Variants in MED12 observed in about 807,000 individuals in gnomAD.
The protein encoded by MED12 is mediator of RNA polymerase II transcription subunit 12.
Under a neutral mutation model 177.7 loss-of-function variants are expected in MED12, and 10 were observed. The ratio of observed to expected loss-of-function variants is 0.06; its 90% CI spans 0.03 to 0.10. The LOEUF (loss-of-function observed/expected upper bound fraction) is 0.10, where lower values mean the gene tolerates loss of function less well. Among genes scored for constraint, MED12 ranks in the 10% least tolerant of loss-of-function variants. The probability of loss-of-function intolerance (pLI) is 1.00; values close to 1 mark genes in which losing one functional copy is unlikely to be tolerated. For synonymous variants in MED12, 641 were observed against 678.4 expected (o/e 0.94, Z 0.86); for missense variants, 867 against 1,780.8 (o/e 0.49, Z 9.23).
chrX:71,138,080 C>T lies in MED12; in HGVS notation c.6044+137C>T, dbSNP rs2092337055. On this transcript the variant is annotated intron_variant, in intron 41 of 44. Coordinates refer to ENST00000374080, the MANE Select transcript of MED12 (RefSeq NM_005120.3). Reference sequence around the variant, plus strand: ...CAAGAATACTTATCTGGCCACATAGCCCATAACCACAGAAGTCTCGAGCTG... The same window carrying T: ...CAAGAATACTTATCTGGCCACATAGTCCATAACCACAGAAGTCTCGAGCTG... The T allele has an allele frequency of 1.0e-5, 6 of 598,982 alleles. No homozygotes were observed. In the East Asian group the frequency reaches 2.1e-4, roughly 21 times the overall value. The allele number at this position is 598,982 out of a possible 1,213,427, so 49.4% of individuals were successfully genotyped here. A position where few individuals can be genotyped will look rare whatever the true frequency, so the allele number is the denominator to read the frequency against.
Position 71,124,960 on chromosome X carries a change from C to A in MED12, c.2056-16C>A. On this transcript the variant is annotated splice_polypyrimidine_tract_variant and intron_variant, in intron 14 of 44. Coordinates refer to ENST00000374080, the MANE Select transcript of MED12 (RefSeq NM_005120.3). Reference sequence around the variant, plus strand: ...TTTCCTTCTTCTCATGTTCTGCTTTCTCACCTTTCTCTCAGTTGTTCTCCC... The same window carrying A: ...TTTCCTTCTTCTCATGTTCTGCTTTATCACCTTTCTCTCAGTTGTTCTCCC... 1 of 1,210,136 alleles carries A rather than the reference C, an allele frequency of 8.3e-7. No homozygotes were observed. The highest frequency in any genetic ancestry group is 1.7e-5 in the African/African-American group (1 of 57,608).
intron 7 of MED12, 69 bp downstream of exon 7, chrX:71,121,885 G>GA: frequency 8.4e-7 from 1 of 1,190,960 alleles, no homozygotes; most frequent in Non-Finnish European, 1.1e-6. Context: ...CCATCCCAGA[G>GA]AATAGGGGTA....
At chrX:71,128,463 G>A (rs750014406) in intron 23 of MED12, 23 bp downstream of exon 23, 14 of 1,208,414 alleles carry the variant, frequency 1.2e-5, no homozygotes, top group Non-Finnish European at 1.6e-5. Flanking sequence ...GTGGGGTTTT[G>A]CTAGTGGGGC....
rs771092011 is a variant in MED12, at chrX:71,127,894, G to A, written c.2983G>A (p.Asp995Asn). 8.3e-7 allele frequency: 1 copy of A among 1,205,888 alleles called. No homozygotes were observed. Among genetic ancestry groups the A allele is most frequent in the South Asian group, 1.8e-5 (1 of 56,659 alleles). The change falls in exon 22 of 45, where the codon GAC becomes AAC. Residue 995 changes from aspartate (D) to asparagine (N), a missense_variant and splice_region_variant. Asp to Asn is a conservative substitution (Grantham distance 23, BLOSUM62 1). Transcript: ENST00000374080. ...LKNKFGELFS[D>N]FCSKVKNTIY... The stretch of plus-strand genomic sequence containing the variant: ...ATCTCCTTTCCTCCATCCCTGCAGC[G>A]ACTTTTGCTCAAAGGTGAAGAACAC...
intron 37 of MED12, 90 bp downstream of exon 37, chrX:71,136,745 G>A: frequency 8.5e-7 from 1 of 1,180,017 alleles, no homozygotes; most frequent in Non-Finnish European, 1.1e-6. Context: ...GGGCGCATAA[G>A]GAAGGGGTGC....
chrX:71,140,006 C>G (rs751836386), intron 41 of MED12, among the ~76,000 whole-genome samples: 6 of 110,547 alleles, frequency 5.4e-5, no homozygotes, highest in African/African-American at 2.0e-4. Flanking sequence ...ACAACAGCAA[C>G]AGCAAAAAAC....
chrX:71,141,327 A>G lies in MED12; in HGVS notation c.6365A>G (p.Gln2122Arg), dbSNP rs2147842352. The G allele has an allele frequency of 8.6e-7, 1 of 1,167,912 alleles. No individual in the cohort carries two copies. Among genetic ancestry groups the G allele is most frequent in the Non-Finnish European group, 1.1e-6 (1 of 872,984 alleles). Reference protein sequence around the residue: ...QQQQHQQQQQQQAAPPQPQPQ... With the variant: ...QQQQHQQQQQRQAAPPQPQPQ... ...CAGCAACACCAGCAGCAACAGCAGC[A>G]ACAGGCGGCTCCTCCCCAACCCCAG... Residue 2122 changes from glutamine to arginine, a missense_variant, in exon 43 of 45, where the codon CAA becomes CGA. Gln to Arg is a conservative substitution (Grantham distance 43). Around this residue, in one of 14 missense-constraint regions of MED12, gnomAD observed 236 missense variants for 345.2 expected, o/e 0.68. Coordinates refer to ENST00000374080, the MANE Select transcript of MED12 (RefSeq NM_005120.3).
At chrX:71,142,007 T>C (rs1479581169) in intron 44 of MED12, 43 bp downstream of exon 44, 16 of 1,186,697 alleles carry the variant, frequency 1.3e-5, no homozygotes, top group Non-Finnish European at 1.8e-5. Flanking sequence ...ATGGAATAAA[T>C]TTAGGGGGCG....
At position 71,131,663 on chromosome X, in the gene MED12, A is replaced by G. The variant is rs2092317803; in HGVS notation, c.4119+42A>G. Reference sequence around the variant, plus strand: ...CCCTCCCTTTCCTGTGCTCACGTTCAGCTCCATGTGTCAGGGAGGCGGTCC... The same window carrying G: ...CCCTCCCTTTCCTGTGCTCACGTTCGGCTCCATGTGTCAGGGAGGCGGTCC... On this transcript the variant is annotated intron_variant, in intron 29 of 44. Coordinates refer to ENST00000374080, the MANE Select transcript of MED12 (RefSeq NM_005120.3). 3 of 1,161,829 alleles carry G rather than the reference A, an allele frequency of 2.6e-6. No homozygotes were observed. In the Admixed American group the frequency reaches 6.6e-5, roughly 26 times the overall value.
chrX:71,137,370 G>A lies in MED12; in HGVS notation c.5735G>A (p.Arg1912His), dbSNP rs767294730. The A allele has an allele frequency of 1.7e-6, 2 of 1,211,265 alleles. No individual in the cohort carries two copies. Among genetic ancestry groups the A allele is most frequent in the Non-Finnish European group, 2.2e-6 (2 of 895,280 alleles). ...QPAVPQGQRLRQQLQQSQGML... is the reference protein window; with the variant it reads ...QPAVPQGQRLHQQLQQSQGML... ...GCGGTGCCCCAAGGACAGCGCCTTC[G>A]CCAACAGCTCCAGGCAAAGATAGTG... The change falls in exon 39 of 45, where the codon CGC becomes CAC. Residue 1912 changes from arginine (R) to histidine (H), a missense_variant. Arg to His is a conservative substitution (Grantham distance 29). Around this residue, in one of 14 missense-constraint regions of MED12, gnomAD observed 236 missense variants for 345.2 expected, o/e 0.68. Coordinates refer to ENST00000374080, the MANE Select transcript of MED12 (RefSeq NM_005120.3).
At chrX:71,122,386 A>G (rs755295264) in intron 8 of MED12, 40 bp downstream of exon 8, 2 of 1,201,888 alleles carry the variant, frequency 1.7e-6, no homozygotes, top group South Asian at 1.8e-5. Flanking sequence ...AGATTGGGCT[A>G]TGAGGCTAAA....
intron 28 of MED12, 130 bp from the exon 29 acceptor site, chrX:71,131,420 T>C: frequency 1.7e-6 from 1 of 594,982 alleles, no homozygotes; most frequent in Non-Finnish European, 2.8e-6. Flanking sequence ...GATGGGGACA[T>C]AGAGGTCCCT....
intron 28 of MED12, among the ~76,000 whole-genome samples, chrX:71,130,888 G>A (rs2092315164): frequency 8.9e-6 from 1 of 112,332 alleles, no homozygotes; most frequent in African/African-American, 3.2e-5. Flanking sequence ...TTAGCTAACA[G>A]TAGCCTTCTG....
At chrX:71,120,924 A>G in intron 4 of MED12, 47 bp from the exon 5 acceptor site, 1 of 1,196,437 alleles carries the variant, frequency 8.4e-7, no homozygotes, top group South Asian at 1.8e-5. Flanking sequence ...AGGATATTCT[A>G]AGCAGAAGGA....
rs1044017760 is a variant in MED12, at chrX:71,118,668, G to GC, written c.-81dup. On this transcript the variant is annotated 5_prime_UTR_variant, in exon 1 of 45. Coordinates refer to ENST00000374080, the MANE Select transcript of MED12 (RefSeq NM_005120.3). Reference sequence around the variant, plus strand: ...CTCGGCCGCCGTCCTCTCAACCACCGCCCCCCTTTTCGGCTCCCTCTCCCC... The same window carrying GC: ...CTCGGCCGCCGTCCTCTCAACCACCGCCCCCCCTTTTCGGCTCCCTCTCCCC... 9 of 866,861 alleles carry GC rather than the reference G, an allele frequency of 1.0e-5. No homozygotes were observed. The highest frequency in any genetic ancestry group is 1.3e-5 in the Non-Finnish European group (8 of 603,389). The allele number at this position is 866,861 out of a possible 1,213,427, so 71.4% of individuals were successfully genotyped here.
chrX:71,136,150 G>T (rs951543578), intron 36 of MED12, 131 bp from the exon 37 acceptor site: 4 of 763,505 alleles, frequency 5.2e-6, no homozygotes, highest in African/African-American at 2.1e-5. Flanking sequence ...GTGTATCCAT[G>T]TCTGTCTGTC....
At position 71,123,635 on chromosome X, in the gene MED12, C is replaced by T. The variant is rs763388314; in HGVS notation, c.1659C>T (p.Ile553=). The T allele has an allele frequency of 5.2e-5, 63 of 1,207,704 alleles. No homozygotes were observed. Among genetic ancestry groups the T allele is most frequent in the Non-Finnish European group, 6.6e-5 (59 of 893,584 alleles). Residue 553 remains isoleucine (I), a synonymous_variant, in exon 12 of 45, where the codon ATC becomes ATT. Coordinates refer to ENST00000374080, the MANE Select transcript of MED12 (RefSeq NM_005120.3). ...ESEAADEKGS[I]ASGSLSAPSA... is the part of the protein sequence containing the mutation. ...AAGCCGCAGATGAGAAGGGTTCCAT[C>T]GCCTCTGGCTCCCTTTCTGCTCCCA...
Position 71,135,089 on chromosome X carries a change from C to T in MED12, c.4864-3C>T, listed in dbSNP as rs1271327399. The T allele has an allele frequency of 8.3e-7, 1 of 1,209,182 alleles. No individual in the cohort carries two copies. The highest frequency in any genetic ancestry group is 1.1e-6 in the Non-Finnish European group (1 of 895,014). ...CTCTTGTCCCATCTTCCTGTGCCTG[C>T]AGAAGGAGTTGGGGGAGCGCCAGTC... On this transcript the variant is annotated splice_polypyrimidine_tract_variant and splice_region_variant and intron_variant, in intron 35 of 44. Transcript: ENST00000374080.
At chrX:71,130,324 C>A (rs1329290148) in intron 28 of MED12, 110 bp downstream of exon 28, 13 of 826,693 alleles carry the variant, frequency 1.6e-5, no homozygotes, top group Non-Finnish European at 2.1e-5. Context: ...GGAAGACAAA[C>A]AAGGATATAG....
Sources: gnomAD v4.1 joint callset for allele counts (sites outside exome capture counted in the v4.1 genomes callset) on GRCh38, gnomAD v4.1.1 for gene constraint, gnomAD v4.1.1 regional missense constraint, MANE v1.5 for transcripts, NCBI Gene and HGNC (gene_info 2026-07-23, HGNC 2026-07-21) for gene names.